Variants in ROS1 observed in about 807,000 individuals in gnomAD.
ROS1 encodes the protein proto-oncogene tyrosine-protein kinase ROS.
A neutral mutation model predicts 273.5 loss-of-function variants in ROS1; 263 were observed. The ratio of observed to expected loss-of-function variants is 0.96; its 90% CI spans 0.87 to 1.06. ROS1 has a LOEUF of 1.06. ROS1 is among the 50% of genes least tolerant of loss of function. The probability of loss-of-function intolerance (pLI) is 0.00; values close to 1 mark genes in which losing one functional copy is unlikely to be tolerated. For synonymous variants in ROS1, 1,008 were observed against 954.1 expected (o/e 1.06, Z -1.04); for missense variants, 2,833 against 2,751.1 (o/e 1.03, Z -0.67).
chr6:117,381,660 G>A (rs1426956995), intron 17 of ROS1, among the ~76,000 whole-genome samples: 2 of 152,010 alleles, frequency 1.3e-5, no homozygotes, highest in South Asian at 2.1e-4. Context: ...TGGGCACTTA[G>A]GTTGGTTCCC....
At chr6:117,358,638 T>A (rs1039935016) in intron 24 of ROS1, among the ~76,000 whole-genome samples, 2 of 152,104 alleles carry the variant, frequency 1.3e-5, no homozygotes, top group East Asian at 3.9e-4. Context: ...TTTTATATTT[T>A]TAGTAGAGAC....
In ROS1 at chr6:117,290,590, C is replaced by T. The variant is rs1017019230; in HGVS notation, c.6716-1788G>A. Among the ~76,000 whole-genome samples, 11 of 152,202 alleles carry T rather than the reference C, an allele frequency of 7.2e-5. No homozygotes were observed. In the Middle Eastern group the frequency reaches 0.01, roughly 141 times the overall value. ...GGGTATTTACAGACTAGACATATGCCGGCTGACTGGCTATGTTTAGAACAG... is the reference window on the plus strand; with the variant it reads ...GGGTATTTACAGACTAGACATATGCTGGCTGACTGGCTATGTTTAGAACAG... On this transcript the variant is annotated intron_variant, in intron 43 of 43. Transcript: ENST00000368507.
Position 117,362,851 on chromosome 6 carries a change from C to A in ROS1, c.3118G>T (p.Glu1040Ter). Residue 1040 changes from glutamate (E) to a stop codon, truncating the protein, a stop_gained, in exon 22 of 44, where the codon GAG (glutamate) becomes TAG (stop). Coordinates refer to ENST00000368507, the MANE Select transcript of ROS1 (RefSeq NM_001378902.1). LOFTEE classifies it high-confidence loss of function. The stretch of plus-strand genomic sequence containing the variant: ...GGTAATATAAATATTCTGGGGTTCT[C>A]TGGTGCTGATGGAACTGAAAAGTAG... ...RAPETVPSAP[E>*]NPRIFILPSG... 1 of 1,611,770 alleles carries A rather than the reference C, an allele frequency of 6.2e-7. No homozygotes were observed. Among genetic ancestry groups the A allele is most frequent in the South Asian group, 1.1e-5 (1 of 90,716 alleles).
chr6:117,298,375 C>T (rs1229222439), intron 43 of ROS1, among the ~76,000 whole-genome samples: 3 of 152,124 alleles, frequency 2.0e-5, no homozygotes, highest in African/African-American at 7.2e-5. Context: ...AGAAAATGTG[C>T]TTTCAGTGCC....
At chr6:117,377,368 C>A (rs185841184) in intron 18 of ROS1, among the ~76,000 whole-genome samples, 12 of 152,234 alleles carry the variant, frequency 7.9e-5, no homozygotes, top group Admixed American at 2.0e-4. Flanking sequence ...ATGTCAGCCT[C>A]CCAAAGTGCT....
rs747412076 is a variant in ROS1, at chr6:117,389,750, G to T, written c.1386C>A (p.Cys462Ter). ...CAEAVRIVES[C>*]TLKDFAIKPQ... ...GCTTGATTGCAAAGTCCTTTAACGT[G>T]CAACTCTCCACAATACGCACAGCTT... The change falls in exon 13 of 44, where the codon TGC (cysteine) becomes TGA (stop). Residue 462 changes from cysteine to a stop codon, truncating the protein, a stop_gained. Coordinates refer to ENST00000368507, the MANE Select transcript of ROS1 (RefSeq NM_001378902.1). LOFTEE classifies it high-confidence loss of function. The T allele has an allele frequency of 3.7e-6, 6 of 1,613,998 alleles. No individual in the cohort carries two copies. The African/African-American group carries it at 5.3e-5, about 14-fold the overall frequency.
At chr6:117,358,249 G>A (rs1779495408) in intron 24 of ROS1, among the ~76,000 whole-genome samples, 1 of 151,748 alleles carries the variant, frequency 6.6e-6, no homozygotes, top group Admixed American at 6.6e-5. Context: ...TATATCTTCA[G>A]ACAAGATCTT....
chr6:117,310,896 T>C (rs1775493101), intron 40 of ROS1, 124 bp downstream of exon 40: 6 of 580,638 alleles, frequency 1.0e-5, no homozygotes, highest in Non-Finnish European at 3.0e-6. Context: ...GAGAGACTTT[T>C]AATAGAAATT....
intron 5 of ROS1, among the ~76,000 whole-genome samples, chr6:117,405,499 A>C (rs1774323365): frequency 6.6e-6 from 1 of 152,152 alleles, no homozygotes; most frequent in African/African-American, 2.4e-5. Flanking sequence ...GACACCTTGA[A>C]GGGGAGTCCA....
Position 117,357,881 on chromosome 6 carries a change from C to T in ROS1, c.3762G>A (p.Lys1254=), listed in dbSNP as rs1342228235. 2.5e-6 allele frequency: 4 copies of T among 1,613,450 alleles called. No individual in the cohort carries two copies. In the African/African-American group the frequency reaches 5.3e-5, roughly 22 times the overall value. The part of the protein sequence containing the change: ...MQVFDVDLEH[K]VKYPREVKIH... ...TCTTCACCTCTCTGGGATATTTCAC[C>T]TTGTGTTCAAGATCAACATCAAATA... Residue 1254 remains lysine (K), a synonymous_variant, in exon 25 of 44, where the codon AAG becomes AAA. Coordinates refer to ENST00000368507, the MANE Select transcript of ROS1 (RefSeq NM_001378902.1).
chr6:117,310,207 A>G lies in ROS1; in HGVS notation c.6290T>C (p.Phe2097Ser), dbSNP rs2128548467. ...TSPRIVKIGD[F>S]GLARDIYKND... ...TTTATAGATGTCTCTGGCGAGTCCA[A>G]AGTCTCCAATCTTCACTATCCGTGG... The change falls in exon 41 of 44, where the codon TTT becomes TCT. Residue 2097 changes from phenylalanine (F) to serine (S), a missense_variant. Phe to Ser is a radical substitution (Grantham distance 155). Transcript: ENST00000368507. The G allele has an allele frequency of 1.2e-6, 2 of 1,613,248 alleles. No homozygotes were observed. The highest frequency in any genetic ancestry group is 1.7e-6 in the Non-Finnish European group (2 of 1,179,510).
At chr6:117,415,332 T>C (rs1200671598) in intron 3 of ROS1, among the ~76,000 whole-genome samples, 2 of 152,238 alleles carry the variant, frequency 1.3e-5, no homozygotes, top group Non-Finnish European at 2.9e-5. Flanking sequence ...ACTATGAATA[T>C]ACTCTAAAAA....
intron 27 of ROS1, among the ~76,000 whole-genome samples, chr6:117,346,817 A>C (rs1778417481): frequency 6.6e-6 from 1 of 152,146 alleles, no homozygotes; most frequent in Admixed American, 6.6e-5. Flanking sequence ...GGGTTTGGAC[A>C]AATGTGTAAT....
chr6:117,398,540 A>G (rs532545272), intron 7 of ROS1, among the ~76,000 whole-genome samples: 2 of 152,122 alleles, frequency 1.3e-5, no homozygotes, highest in Non-Finnish European at 2.9e-5. Flanking sequence ...TTAGCCAGGC[A>G]TGGTGGCGCA....
At chr6:117,412,897 G>A (rs1483234318) in intron 4 of ROS1, among the ~76,000 whole-genome samples, 1 of 152,050 alleles carries the variant, frequency 6.6e-6, no homozygotes, top group Non-Finnish European at 1.5e-5. Flanking sequence ...TTTATCCTAG[G>A]GACTATTCTT....
At chr6:117,400,970 A>G (rs1773885604) in intron 7 of ROS1, among the ~76,000 whole-genome samples, 1 of 152,190 alleles carries the variant, frequency 6.6e-6, no homozygotes, top group Non-Finnish European at 1.5e-5. Context: ...TTGCTTGGCC[A>G]AAACAGAACT....
chr6:117,287,703 C>T lies in ROS1; in HGVS notation c.*789G>A, dbSNP rs1773536432. On this transcript the variant is annotated 3_prime_UTR_variant, in exon 44 of 44. Coordinates refer to ENST00000368507, the MANE Select transcript of ROS1 (RefSeq NM_001378902.1). ...TTGGGAGGCCAAGGCAGGTGGATCC[C>T]GAGGTCAGGAGTTCTAGACCAGCCT... Among the ~76,000 whole-genome samples the T allele has an allele frequency of 1.3e-5, 2 of 152,022 alleles. No homozygotes were observed. The highest frequency in any genetic ancestry group is 6.6e-5 in the Admixed American group (1 of 15,252).
At position 117,330,794 on chromosome 6, in the gene ROS1, T is replaced by TCAA. The variant is rs199570290; in HGVS notation, c.5231-1351_5231-1349dup. On this transcript the variant is annotated intron_variant, in intron 32 of 43. Coordinates refer to ENST00000368507, the MANE Select transcript of ROS1 (RefSeq NM_001378902.1). ...GAAAGTGACAACAACAGCATCATCA[T>TCAA]CAACAACAACAACAAGGGCCCCCAC... Among the ~76,000 whole-genome samples the TCAA allele has an allele frequency of 3.2e-4, 49 of 151,920 alleles. 1 individual carries two copies. The South Asian group carries it at 0.01, about 32-fold the overall frequency.
intron 38 of ROS1, 28 bp downstream of exon 38, chr6:117,318,160 T>C (rs1211559713): frequency 1.3e-6 from 2 of 1,581,630 alleles, no homozygotes; most frequent in Admixed American, 1.7e-5. Context: ...TTCTTACCCA[T>C]ACCAGGAGAA....
Sources: gnomAD v4.1 joint callset for allele counts (sites outside exome capture counted in the v4.1 genomes callset) on GRCh38, gnomAD v4.1.1 for gene constraint, MANE v1.5 for transcripts, NCBI Gene and HGNC (gene_info 2026-07-23, HGNC 2026-07-21) for gene names.